Variants in KIT observed in about 807,000 individuals in gnomAD.
KIT encodes mast/stem cell growth factor receptor Kit.
Under a neutral mutation model 105.7 loss-of-function variants are expected in KIT, and 16 were observed. That is an observed-to-expected ratio of 0.15 (90% CI 0.10 to 0.23). KIT has a LOEUF of 0.23. Among genes scored for constraint, KIT ranks in the 10% least tolerant of loss-of-function variants. The probability of loss-of-function intolerance (pLI) is 1.00; values close to 1 mark genes in which losing one functional copy is unlikely to be tolerated. For missense variants in KIT, 858 were observed against 1,213.8 expected, an observed-to-expected ratio of 0.71 and a Z score of 4.36; for synonymous variants, 438 against 441.1, an observed-to-expected ratio of 0.99 and a Z score of 0.09.
At chr4:54,691,987 G>A (rs1417982194) in intron 1 of KIT, among the ~76,000 whole-genome samples, 3 of 152,152 alleles carry the variant, frequency 2.0e-5, no homozygotes, top group Non-Finnish European at 4.4e-5. Flanking sequence ...GATTTGGAAG[G>A]CCAATAAGAA....
chr4:54,730,617 A>G (rs972001940), intron 14 of KIT, among the ~76,000 whole-genome samples: 15 of 152,088 alleles, frequency 9.9e-5, no homozygotes, highest in African/African-American at 3.4e-4. Context: ...CCTTGGCCCT[A>G]TATATATCCT....
chr4:54,668,601 C>T (rs1332236862), intron 1 of KIT, among the ~76,000 whole-genome samples: 4 of 152,152 alleles, frequency 2.6e-5, no homozygotes, highest in Non-Finnish European at 5.9e-5. Context: ...TCACAAAGAG[C>T]TCTGGAAGTT....
chr4:54,693,856 T>C (rs1012872461), intron 1 of KIT, among the ~76,000 whole-genome samples: 1 of 152,162 alleles, frequency 6.6e-6, no homozygotes, highest in Non-Finnish European at 1.5e-5. Flanking sequence ...AGTCAACCTT[T>C]TGCTTTTTCA....
intron 1 of KIT, among the ~76,000 whole-genome samples, chr4:54,660,378 G>A (rs933715282): frequency 6.6e-6 from 1 of 152,138 alleles, no homozygotes; most frequent in African/African-American, 2.4e-5. Flanking sequence ...TCCTGCAGGT[G>A]TGAGGCTGGA....
At chr4:54,700,316 A>G (rs998084977) in intron 4 of KIT, among the ~76,000 whole-genome samples, 7 of 152,138 alleles carry the variant, frequency 4.6e-5, no homozygotes, top group South Asian at 2.1e-4. Context: ...ATGGTTTTCT[A>G]TTTGTTTTAG....
chr4:54,727,898 C>T lies in KIT; in HGVS notation c.1850C>T (p.Ala617Val), dbSNP rs1289728551. 3 of 1,613,924 alleles carry T rather than the reference C, an allele frequency of 1.9e-6. No individual in the cohort carries two copies. The highest frequency in any genetic ancestry group is 1.1e-5 in the South Asian group (1 of 91,076). Residue 617 changes from alanine (A) to valine (V), a missense_variant, in exon 12 of 21, where the codon GCC becomes GTC. By Grantham distance (64) the Ala-to-Val change is moderately conservative. This residue lies in a region of KIT where 158 missense variants were observed against 218.7 expected (regional missense o/e 0.72). Transcript: ENST00000288135. ...TAYGLIKSDA[A>V]MTVAVKMLKP... ...TATGGCTTAATTAAGTCAGATGCGGCCATGACTGTCGCTGTAAAGATGCTC... is the reference window on the plus strand; with the variant it reads ...TATGGCTTAATTAAGTCAGATGCGGTCATGACTGTCGCTGTAAAGATGCTC...
intron 1 of KIT, among the ~76,000 whole-genome samples, chr4:54,684,705 C>G (rs1719192383): frequency 6.6e-6 from 1 of 152,194 alleles, no homozygotes; most frequent in Non-Finnish European, 1.5e-5. Flanking sequence ...GGCAGCACGA[C>G]AAAGCTCCCT....
intron 7 of KIT, among the ~76,000 whole-genome samples, chr4:54,715,127 A>T (rs1464462965): frequency 1.3e-5 from 2 of 152,210 alleles, no homozygotes; most frequent in East Asian, 3.8e-4. Context: ...CAGTATACCA[A>T]AATCAGCCAA....
intron 4 of KIT, 54 bp from the exon 5 acceptor site, chr4:54,703,670 A>G: frequency 7.0e-7 from 1 of 1,434,840 alleles, no homozygotes; most frequent in Non-Finnish European, 9.8e-7. Flanking sequence ...AAGATTCTGA[A>G]TATAAATTAT....
intron 1 of KIT, among the ~76,000 whole-genome samples, chr4:54,688,089 C>T (rs77184992): frequency 0.018 from 2,774 of 152,158 alleles, 74 homozygotes; most frequent in African/African-American, 0.061. Flanking sequence ...GATTTAGTCT[C>T]CCCACTGCTG....
rs529597599 is a variant in KIT at position 54,726,993 on chromosome 4, A to G, written c.1541-225A>G. 1.7e-3 allele frequency among the ~76,000 whole-genome samples: 256 copies of G among 151,956 alleles called. 1 individual carries two copies. The highest frequency in any genetic ancestry group is 6.0e-3 in the African/African-American group (249 of 41,410). On this transcript the variant is annotated intron_variant, in intron 9 of 20. Coordinates refer to ENST00000288135, the MANE Select transcript of KIT (RefSeq NM_000222.3). ...CATAAATTATTCCTTTTCTACAGAA[A>G]TCTCAACTTCTATTCTGCAGTATTG...
intron 17 of KIT, among the ~76,000 whole-genome samples, chr4:54,736,133 G>T (rs1002529411): frequency 6.6e-6 from 1 of 152,172 alleles, no homozygotes; most frequent in African/African-American, 2.4e-5. Context: ...GTGAGAGGCC[G>T]TGTTTCTGTT....
At position 54,691,753 on chromosome 4, in the gene KIT, G is replaced by A. The variant is rs367886174; in HGVS notation, c.68-3759G>A. On this transcript the variant is annotated intron_variant, in intron 1 of 20. Transcript: ENST00000288135. ...GGGAGGATGAGTTGGGGTGGGGTGG[G>A]TGGCGGCTGGCGGGGAGTCTTTTAG... is the stretch of plus-strand genomic sequence containing the variant. Among the ~76,000 whole-genome samples, 161 of 152,134 alleles carry A rather than the reference G, an allele frequency of 1.1e-3. No homozygotes were observed. In the Middle Eastern group the frequency reaches 0.017, roughly 16 times the overall value.
At position 54,698,267 on chromosome 4, in the gene KIT, T is replaced by G. The variant is rs771722391; in HGVS notation, c.338-17T>G. 2 of 1,611,590 alleles carry G rather than the reference T, an allele frequency of 1.2e-6. No individual in the cohort carries two copies. The highest frequency in any genetic ancestry group is 2.2e-5 in the East Asian group (1 of 44,866). ...GACCAGCCATTCCAACTACTGATTTTGGATATGCTTCTATAGATCCTGCCA... is the reference window on the plus strand; with the variant it reads ...GACCAGCCATTCCAACTACTGATTTGGGATATGCTTCTATAGATCCTGCCA... On this transcript the variant is annotated splice_polypyrimidine_tract_variant and intron_variant, in intron 2 of 20. Coordinates refer to ENST00000288135, the MANE Select transcript of KIT (RefSeq NM_000222.3).
At chr4:54,724,433 C>T (rs1407283086) in intron 8 of KIT, among the ~76,000 whole-genome samples, 1 of 152,132 alleles carries the variant, frequency 6.6e-6, no homozygotes, top group Non-Finnish European at 1.5e-5. Context: ...GGGGTTACAT[C>T]GGATTGCTGT....
intron 1 of KIT, among the ~76,000 whole-genome samples, chr4:54,693,812 C>G (rs1719873466): frequency 6.6e-6 from 1 of 151,878 alleles, no homozygotes; most frequent in African/African-American, 2.4e-5. Flanking sequence ...ACCTGGGGAC[C>G]TTGCCTTCTG....
chr4:54,659,765 C>G (rs73818372), intron 1 of KIT, among the ~76,000 whole-genome samples: 5,903 of 152,196 alleles, frequency 0.039, 360 homozygotes, highest in African/African-American at 0.13. Context: ...GAACTAGAAC[C>G]TAGTAGGAGA....
chr4:54,673,250 T>C (rs898207174), intron 1 of KIT, among the ~76,000 whole-genome samples: 5 of 152,232 alleles, frequency 3.3e-5, no homozygotes, highest in Non-Finnish European at 7.3e-5. Flanking sequence ...CTGATCTTTG[T>C]TGGCTTTAGG....
intron 1 of KIT, among the ~76,000 whole-genome samples, chr4:54,689,871 C>G (rs1410907162): frequency 6.6e-6 from 1 of 152,080 alleles, no homozygotes; most frequent in Non-Finnish European, 1.5e-5. Context: ...CTGTCCATCC[C>G]CCACTGTACT....
Sources: gnomAD v4.1 joint callset for allele counts (sites outside exome capture counted in the v4.1 genomes callset) on GRCh38, gnomAD v4.1.1 for gene constraint, gnomAD v4.1.1 regional missense constraint, MANE v1.5 for transcripts, NCBI Gene and HGNC (gene_info 2026-07-23, HGNC 2026-07-21) for gene names.